The following VASP variants were observed in gnomAD, a reference collection of about 807,000 sequenced individuals.
VASP encodes vasodilator stimulated phosphoprotein.
Under a neutral mutation model 54.4 loss-of-function variants are expected in VASP, and 27 were observed. The ratio of observed to expected loss-of-function variants is 0.50; its 90% CI spans 0.37 to 0.68. The LOEUF is 0.68. Ranked by LOEUF, VASP falls within the 30% of genes least tolerant of loss-of-function variation. VASP has a pLI of 0.00. For missense variants in VASP, 488 were observed against 528.3 expected (o/e 0.92, Z 0.75); for synonymous variants, 233 against 209.8 (o/e 1.11, Z -0.96).
At chr19:45,514,216 A>G (rs1040119270) in intron 1 of VASP, among the ~76,000 whole-genome samples, 6 of 152,164 alleles carry the variant, frequency 3.9e-5, no homozygotes, top group African/African-American at 1.4e-4. Flanking sequence ...GCATGGGGGT[A>G]GGAGGTCTAG....
intron 3 of VASP, among the ~76,000 whole-genome samples, chr19:45,519,968 G>C (rs931762239): frequency 1.5e-5 from 2 of 130,760 alleles, no homozygotes; most frequent in Non-Finnish European, 3.1e-5. Context: ...GCAGTGGTGT[G>C]ATCTCAGTTC....
chr19:45,521,403 A>C lies in VASP; in HGVS notation c.425A>C (p.Lys142Thr). 1.3e-6 allele frequency: 2 copies of C among 1,563,560 alleles called. No individual in the cohort carries two copies. Among genetic ancestry groups the C allele is most frequent in the South Asian group, 2.4e-5 (2 of 84,760 alleles). The change falls in exon 4 of 13, where the codon AAA becomes ACA. Residue 142 changes from lysine (K) to threonine (T), a missense_variant. This residue lies in a region of VASP where 226 missense variants were observed against 196.0 expected (regional missense o/e 1.15). Transcript: ENST00000245932. ...TCCCCGGAGGAGGTGGAGCAGCAGA[A>C]AAGGTGGGGCTGGGCCCTGGGTGGG... ...GPSPEEVEQQ[K>T]RQQPGPSEHI...
At position 45,507,569 on chromosome 19, in the gene VASP, T is replaced by A; in HGVS notation, c.-203T>A. 1 of 561,086 alleles carries A rather than the reference T, an allele frequency of 1.8e-6. No homozygotes were observed. The highest frequency in any genetic ancestry group is 3.0e-6 in the Non-Finnish European group (1 of 329,198). The allele number at this position is 561,086 out of a possible 1,614,324, so 34.8% of individuals were successfully genotyped here. A position where few individuals can be genotyped will look rare whatever the true frequency, so the allele number is the denominator to read the frequency against. ...ATCCCCTTTCTGCTGCAGGAACCTC[T>A]CATCAGACCGCCTGAGGGAAGCGGC... is the stretch of plus-strand genomic sequence containing the variant. On this transcript the variant is annotated 5_prime_UTR_variant, in exon 1 of 13. Transcript: ENST00000245932. The surrounding 1 kb of genome is among the most constrained non-coding windows in gnomAD (Gnocchi z 4.4).
chr19:45,511,988 C>T (rs1568385429), intron 1 of VASP, among the ~76,000 whole-genome samples: 1 of 152,072 alleles, frequency 6.6e-6, no homozygotes, highest in Non-Finnish European at 1.5e-5. Flanking sequence ...TTTGTAATCC[C>T]GGACACTCAG....
At chr19:45,512,207 T>C (rs1281198778) in intron 1 of VASP, among the ~76,000 whole-genome samples, 2 of 152,156 alleles carry the variant, frequency 1.3e-5, no homozygotes, top group African/African-American at 4.8e-5. Flanking sequence ...TTCCCCTCAA[T>C]GGAGGCAGCC....
Position 45,507,736 on chromosome 19 carries a change from C to T in VASP, c.-36C>T. The T allele has an allele frequency of 6.6e-7, 1 of 1,513,138 alleles. No individual in the cohort carries two copies. Among genetic ancestry groups the T allele is most frequent in the Non-Finnish European group, 8.8e-7 (1 of 1,137,750 alleles). The allele number at this position is 1,513,138 out of a possible 1,614,324, so 93.7% of individuals were successfully genotyped here. ...CAGCCAGGGGCGCCCCGGGAGCAGCCAGCCCGTGGGCGAGCCGCCCGCCCG... is the reference window on the plus strand; with the variant it reads ...CAGCCAGGGGCGCCCCGGGAGCAGCTAGCCCGTGGGCGAGCCGCCCGCCCG... On this transcript the variant is annotated 5_prime_UTR_variant, in exon 1 of 13. Transcript: ENST00000245932. The surrounding 1 kb of genome is among the most constrained non-coding windows in gnomAD (Gnocchi z 4.4).
intron 11 of VASP, 164 bp downstream of exon 11, chr19:45,524,824 C>T: frequency 1.6e-6 from 1 of 622,362 alleles, no homozygotes; most frequent in South Asian, 1.8e-5. Flanking sequence ...CTCCACACCC[C>T]CTTTTCTGGC....
intron 11 of VASP, 27 bp from the exon 12 acceptor site, chr19:45,525,919 T>G: frequency 6.2e-7 from 1 of 1,601,650 alleles, no homozygotes; most frequent in Non-Finnish European, 8.5e-7. Flanking sequence ...TACCCCCTCC[T>G]GATTAGTTTT....
intron 6 of VASP, 45 bp from the exon 7 acceptor site, chr19:45,522,673 A>G (rs1568390245): frequency 3.8e-6 from 6 of 1,589,922 alleles, no homozygotes; most frequent in Non-Finnish European, 5.1e-6. Flanking sequence ...CTGGAAGGCC[A>G]AAAGGCCTGC....
At chr19:45,510,214 GTTTT>G (rs1271163748) in intron 1 of VASP, among the ~76,000 whole-genome samples, 1 of 148,028 alleles carries the variant, frequency 6.8e-6, no homozygotes, top group Non-Finnish European at 1.5e-5. Flanking sequence ...ATTCTGGCTG[GTTTT>G]TTTGTTGGTT....
In VASP at chr19:45,522,823, G is replaced by T; in HGVS notation, c.821+5G>T. ...GAACGCCATGCTGGCCCGGAGGTGA[G>T]CCTGAGCCTGGACCCCCAAGTCACC... On this transcript the variant is annotated splice_donor_5th_base_variant and intron_variant, in intron 7 of 12. Transcript: ENST00000245932. 1 of 1,604,080 alleles carries T rather than the reference G, an allele frequency of 6.2e-7. No individual in the cohort carries two copies. The highest frequency in any genetic ancestry group is 8.5e-7 in the Non-Finnish European group (1 of 1,176,530).
chr19:45,513,466 TCC>T (rs1491261447), intron 1 of VASP, among the ~76,000 whole-genome samples: 2 of 125,040 alleles, frequency 1.6e-5, no homozygotes, highest in African/African-American at 3.1e-5. Context: ...CTAGTCTCTC[TCC>T]TTTTTTTTTT....
chr19:45,523,606 G>A (rs1231523998), intron 7 of VASP, 38 bp from the exon 8 acceptor site: 15 of 1,611,884 alleles, frequency 9.3e-6, no homozygotes, highest in Admixed American at 1.7e-5. Context: ...GATGGGTTGG[G>A]TGACGGAAGC....
chr19:45,525,911 C>A (rs1054560261), intron 11 of VASP, 35 bp from the exon 12 acceptor site: 2 of 1,590,320 alleles, frequency 1.3e-6, no homozygotes, highest in Non-Finnish European at 1.7e-6. Flanking sequence ...AGTCCCGGTA[C>A]CCCCTCCTGA....
intron 1 of VASP, among the ~76,000 whole-genome samples, chr19:45,516,720 T>C (rs561812854): frequency 1.3e-5 from 2 of 152,158 alleles, no homozygotes; most frequent in South Asian, 4.1e-4. Context: ...TTTTGTGGAC[T>C]GGGTGTGGTG....
rs1335046915 is a variant in VASP at position 45,522,174 on chromosome 19, G to A, written c.435G>A (p.Gln145=). Residue 145 remains glutamine (Q), a synonymous_variant, in exon 5 of 13, where the codon CAG becomes CAA. Transcript: ENST00000245932. ...PEEVEQQKRQ[Q]PGPSEHIERR... ...CTCTCGCCTCCCCCCACAGGCAGCA[G>A]CCCGGCCCGTCGGAGCACATAGAGC... The A allele has an allele frequency of 1.9e-6, 3 of 1,613,944 alleles. No individual in the cohort carries two copies. Among genetic ancestry groups the A allele is most frequent in the Non-Finnish European group, 2.5e-6 (3 of 1,180,022 alleles).
chr19:45,523,289 G>A (rs951577008), intron 7 of VASP, among the ~76,000 whole-genome samples: 19 of 125,032 alleles, frequency 1.5e-4, no homozygotes, highest in African/African-American at 4.6e-4. Context: ...TGCAACCTCC[G>A]CCTCCTGGGT....
rs772970138 is a variant in VASP, at chr19:45,524,086, C to T, written c.911-11C>T. The T allele has an allele frequency of 1.6e-5, 26 of 1,613,876 alleles. No homozygotes were observed. The highest frequency in any genetic ancestry group is 2.2e-5 in the Non-Finnish European group (26 of 1,180,026). ...TGTCCCTGATCTTTCTGATTTCTTG[C>T]CTATCCCCAGAATCTGTGCGGAGAC... On this transcript the variant is annotated splice_polypyrimidine_tract_variant and intron_variant, in intron 9 of 12. Transcript: ENST00000245932.
Position 45,518,036 on chromosome 19 carries a change from C to T in VASP, c.285C>T (p.Ser95=). 1.9e-6 allele frequency: 3 copies of T among 1,613,940 alleles called. No individual in the cohort carries two copies. The highest frequency in any genetic ancestry group is 2.5e-6 in the Non-Finnish European group (3 of 1,180,008). ...AGGTCTGGGGCCTCAACTTCGGCAG[C>T]AAGGAGGATGCGGCCCAGTTTGCCG... The part of the protein sequence containing the change: ...ARQVWGLNFG[S]KEDAAQFAAG... Residue 95 remains serine (S), a synonymous_variant, in exon 3 of 13, where the codon AGC becomes AGT. Coordinates refer to ENST00000245932, the MANE Select transcript of VASP (RefSeq NM_003370.4).
Sources: allele counts gnomAD v4.1 joint callset (sites outside exome capture counted in the v4.1 genomes callset), GRCh38; gene constraint gnomAD v4.1.1; regional missense constraint gnomAD v4.1.1; non-coding constraint Gnocchi (gnomAD v3.1); transcripts MANE v1.5; gene names NCBI Gene and HGNC (gene_info 2026-07-23, HGNC 2026-07-21).